Variants in ETV6 observed in about 807,000 individuals in gnomAD.
The protein encoded by ETV6 is ETS variant transcription factor 6.
Under a neutral mutation model 51.1 loss-of-function variants are expected in ETV6, and 16 were observed. That is an observed-to-expected ratio of 0.31 (90% CI 0.21 to 0.48). The LOEUF is 0.48. Ranked by LOEUF, ETV6 falls within the 20% of genes least tolerant of loss-of-function variation. The pLI is 0.99. For missense variants in ETV6, 458 were observed against 594.8 expected (o/e 0.77, Z 2.39); for synonymous variants, 240 against 224.1 (o/e 1.07, Z -0.64).
intron 1 of ETV6, among the ~76,000 whole-genome samples, chr12:11,685,297 T>C (rs1251236812): frequency 6.7e-6 from 1 of 150,264 alleles, no homozygotes; most frequent in African/African-American, 2.5e-5. Context: ...TGATCAGTTA[T>C]GCTTCATTGT....
intron 7 of ETV6, among the ~76,000 whole-genome samples, chr12:11,889,501 A>C (rs1165073049): frequency 6.6e-6 from 1 of 152,192 alleles, no homozygotes; most frequent in African/African-American, 2.4e-5. Flanking sequence ...GTTGAAGAAG[A>C]TGGAGGTTTA....
At chr12:11,843,114 A>G (rs1344473756) in intron 3 of ETV6, among the ~76,000 whole-genome samples, 2 of 152,226 alleles carry the variant, frequency 1.3e-5, no homozygotes, top group African/African-American at 4.8e-5. Flanking sequence ...AAAGCCATGG[A>G]CAGAATTTCA....
At chr12:11,768,383 GGT>G (rs565426409) in intron 2 of ETV6, among the ~76,000 whole-genome samples, 68 of 152,318 alleles carry the variant, frequency 4.5e-4, no homozygotes, top group Admixed American at 3.9e-3. Flanking sequence ...AAGCCTGGCA[GGT>G]AGCTGATAGT....
chr12:11,655,347 T>C (rs942140974), intron 1 of ETV6, among the ~76,000 whole-genome samples: 2 of 152,206 alleles, frequency 1.3e-5, no homozygotes, highest in Admixed American at 6.5e-5. Flanking sequence ...GTGTATTTGT[T>C]GAATAGAATG....
chr12:11,746,509 AG>A (rs1412032274), intron 1 of ETV6, among the ~76,000 whole-genome samples: 1 of 152,208 alleles, frequency 6.6e-6, no homozygotes, highest in Non-Finnish European at 1.5e-5. Flanking sequence ...TGTATTTTCC[AG>A]CTACAATTGT....
intron 1 of ETV6, among the ~76,000 whole-genome samples, chr12:11,699,535 G>T (rs1359635920): frequency 1.3e-5 from 2 of 152,124 alleles, no homozygotes; most frequent in African/African-American, 4.8e-5. Flanking sequence ...GGGTGTGTGT[G>T]TTTCTTCTAT....
At chr12:11,684,617 C>T (rs1305154206) in intron 1 of ETV6, among the ~76,000 whole-genome samples, 1 of 152,222 alleles carries the variant, frequency 6.6e-6, no homozygotes, top group African/African-American at 2.4e-5. Context: ...TCTCACCCTT[C>T]CCCTTCCCTA....
At chr12:11,772,268 C>CTGTTTA (rs1478881010) in intron 2 of ETV6, among the ~76,000 whole-genome samples, 1 of 152,200 alleles carries the variant, frequency 6.6e-6, no homozygotes, top group African/African-American at 2.4e-5. Context: ...TGCAGAAAGA[C>CTGTTTA]TCAGAGATCA....
At chr12:11,667,816 C>T (rs1428497318) in intron 1 of ETV6, among the ~76,000 whole-genome samples, 1 of 150,570 alleles carries the variant, frequency 6.6e-6, no homozygotes, top group African/African-American at 2.4e-5. Context: ...AGTTCCTTGC[C>T]TCGGCCTCCC....
chr12:11,654,960 G>C (rs1163280985), intron 1 of ETV6, among the ~76,000 whole-genome samples: 1 of 152,194 alleles, frequency 6.6e-6, no homozygotes. Context: ...CTCAGGATAA[G>C]TAAGTCAAGG....
chr12:11,768,728 C>T (rs1945198854), intron 2 of ETV6, among the ~76,000 whole-genome samples: 1 of 152,194 alleles, frequency 6.6e-6, no homozygotes. Context: ...ATCACCCTTG[C>T]CCTTGCCTCT....
chr12:11,660,254 T>C (rs1864076206), intron 1 of ETV6, among the ~76,000 whole-genome samples: 1 of 152,150 alleles, frequency 6.6e-6, no homozygotes, highest in African/African-American at 2.4e-5. Flanking sequence ...GACTAATATG[T>C]GGACAAGTAG....
chr12:11,778,302 G>A (rs999629967), intron 2 of ETV6, among the ~76,000 whole-genome samples: 3 of 152,208 alleles, frequency 2.0e-5, no homozygotes, highest in East Asian at 1.9e-4. Context: ...CCTGGCGAGC[G>A]CACACGCGTG....
chr12:11,666,424 A>G lies in ETV6; in HGVS notation c.33+16264A>G, dbSNP rs79343450. On this transcript the variant is annotated intron_variant, in intron 1 of 7. Coordinates refer to ENST00000396373, the MANE Select transcript of ETV6 (RefSeq NM_001987.5). ...TACTATGGGACTAGAAAAACAACTC[A>G]AAGTTATGTCTTACGGATGGTAGGA... 5.1e-3 allele frequency among the ~76,000 whole-genome samples: 773 copies of G among 152,310 alleles called. 4 individuals are homozygous for G. The highest frequency in any genetic ancestry group is 0.017 in the African/African-American group (722 of 41,562).
At chr12:11,830,499 C>G (rs775183352) in intron 2 of ETV6, among the ~76,000 whole-genome samples, 8 of 152,204 alleles carry the variant, frequency 5.3e-5, no homozygotes, top group Admixed American at 1.3e-4. Context: ...GATGGCATGA[C>G]ATGGATGCGG....
chr12:11,722,340 G>A (rs1682147987), intron 1 of ETV6, among the ~76,000 whole-genome samples: 1 of 152,168 alleles, frequency 6.6e-6, no homozygotes, highest in African/African-American at 2.4e-5. Flanking sequence ...AGAAGAAGGA[G>A]GCTCAGATAA....
chr12:11,671,638 A>T (rs1864317394), intron 1 of ETV6, among the ~76,000 whole-genome samples: 1 of 152,214 alleles, frequency 6.6e-6, no homozygotes, highest in Non-Finnish European at 1.5e-5. Flanking sequence ...ATTCATTAGA[A>T]TAACAGAATT....
intron 1 of ETV6, among the ~76,000 whole-genome samples, chr12:11,748,932 C>T (rs1001657506): frequency 6.6e-6 from 1 of 152,088 alleles, no homozygotes; most frequent in Non-Finnish European, 1.5e-5. Context: ...ATTTACATTT[C>T]AACTCTTGCC....
rs1327972811 is a variant in ETV6 at position 11,843,074 on chromosome 12, G to A, written c.328+3770G>A. Among the ~76,000 whole-genome samples, 9 of 152,270 alleles carry A rather than the reference G, an allele frequency of 5.9e-5. No individual in the cohort carries two copies. In the East Asian group the frequency reaches 7.7e-4, roughly 13 times the overall value. ...GCTGGGGATAAAGATAAATTTATAC[G>A]GAAGGTAATTTAATTAAGGCACCCA... is the stretch of plus-strand genomic sequence containing the variant. On this transcript the variant is annotated intron_variant, in intron 3 of 7. Transcript: ENST00000396373.
Sources: gnomAD v4.1 joint callset for allele counts (sites outside exome capture counted in the v4.1 genomes callset) on GRCh38, gnomAD v4.1.1 for gene constraint, MANE v1.5 for transcripts, NCBI Gene and HGNC (gene_info 2026-07-23, HGNC 2026-07-21) for gene names.